HCN1: variants seen among roughly 807,000 people sequenced by gnomAD.
HCN1 encodes the protein potassium/sodium hyperpolarization-activated cyclic nucleotide-gated channel 1.
A neutral mutation model predicts 78.9 loss-of-function variants in HCN1; 13 were observed. That is an observed-to-expected ratio of 0.16 (90% CI 0.11 to 0.26). The LOEUF is 0.26. Among genes scored for constraint, HCN1 ranks in the 10% least tolerant of loss-of-function variants. The pLI is 1.00. For missense variants in HCN1, 810 were observed against 1,154.3 expected (o/e 0.70, Z 4.32); for synonymous variants, 552 against 455.5 (o/e 1.21, Z -2.70).
intron 6 of HCN1, among the ~76,000 whole-genome samples, chr5:45,293,873 G>A (rs771304904): frequency 6.6e-6 from 1 of 151,802 alleles, no homozygotes; most frequent in Non-Finnish European, 1.5e-5. Flanking sequence ...GACAAGAAAA[G>A]AAAAGATCTG....
chr5:45,365,134 AT>A (rs896794650), intron 4 of HCN1, among the ~76,000 whole-genome samples: 5 of 151,902 alleles, frequency 3.3e-5, no homozygotes, highest in Non-Finnish European at 7.4e-5. Context: ...TAAAAGTGCC[AT>A]TTTTTTCATA....
In HCN1 at chr5:45,530,860, C is replaced by T. The variant is rs75123526; in HGVS notation, c.850-68853G>A. Among the ~76,000 whole-genome samples the T allele has an allele frequency of 2.6e-4, 40 of 152,126 alleles. No homozygotes were observed. The East Asian group carries it at 7.4e-3, about 28-fold the overall frequency. ...CAAATTTCCATATCTTTCCCAAGGT[C>T]ACACAGCTAATAACAAGTCAACAAC... On this transcript the variant is annotated intron_variant, in intron 2 of 7. Coordinates refer to ENST00000303230, the MANE Select transcript of HCN1 (RefSeq NM_021072.4).
intron 2 of HCN1, among the ~76,000 whole-genome samples, chr5:45,614,493 C>G (rs748919922): frequency 1.3e-5 from 2 of 151,992 alleles, no homozygotes; most frequent in South Asian, 2.1e-4. Context: ...AAAAAGAAAG[C>G]GAAAACTTGA....
intron 2 of HCN1, among the ~76,000 whole-genome samples, chr5:45,527,778 C>T (rs530855479): frequency 6.6e-6 from 1 of 151,828 alleles, no homozygotes; most frequent in Admixed American, 6.6e-5. Flanking sequence ...TGAAGGCAGA[C>T]AGAACATGTT....
chr5:45,399,965 T>C (rs1051042993), intron 3 of HCN1, among the ~76,000 whole-genome samples: 1 of 152,174 alleles, frequency 6.6e-6, no homozygotes, highest in Admixed American at 6.5e-5. Context: ...AAATTTATAC[T>C]TTACTTTATC....
At chr5:45,559,943 CCAT>C (rs1436269360) in intron 2 of HCN1, 1 of 152,086 alleles carries the variant, frequency 6.6e-6, no homozygotes, top group African/African-American at 2.4e-5. Context: ...AAGCCAGTTG[CCAT>C]CAATATTGAG....
At chr5:45,349,357 GGGACAC>G (rs1400266919) in intron 5 of HCN1, among the ~76,000 whole-genome samples, 1 of 152,140 alleles carries the variant, frequency 6.6e-6, no homozygotes, top group African/African-American at 2.4e-5. Flanking sequence ...CAGAATCTCT[GGGACAC>G]ATTCAAAGTA....
chr5:45,341,467 TA>T (rs2111965515), intron 5 of HCN1, among the ~76,000 whole-genome samples: 1 of 152,348 alleles, frequency 6.6e-6, no homozygotes, highest in Admixed American at 6.5e-5. Flanking sequence ...ACAAATGTGA[TA>T]AATATCCTGA....
chr5:45,348,301 C>T (rs1361100867), intron 5 of HCN1, among the ~76,000 whole-genome samples: 5 of 152,106 alleles, frequency 3.3e-5, no homozygotes, highest in African/African-American at 1.2e-4. Context: ...AAATACTTTA[C>T]AGACAAGCAA....
intron 6 of HCN1, among the ~76,000 whole-genome samples, chr5:45,271,359 TACACACACACACACAC>T (rs34016747): frequency 1.9e-4 from 26 of 137,416 alleles, no homozygotes; most frequent in Admixed American, 4.5e-4. Context: ...CTGATTCAGG[TACACACACACACACAC>T]ACACACACAC....
chr5:45,446,675 T>G (rs1349505431), intron 3 of HCN1, among the ~76,000 whole-genome samples: 2 of 152,166 alleles, frequency 1.3e-5, no homozygotes, highest in Non-Finnish European at 1.5e-5. Flanking sequence ...CCCATCAGAC[T>G]AACAGTGGAT....
intron 3 of HCN1, among the ~76,000 whole-genome samples, chr5:45,429,364 A>C (rs1211822526): frequency 6.6e-6 from 1 of 152,132 alleles, no homozygotes; most frequent in African/African-American, 2.4e-5. Context: ...GGGGCTTCTC[A>C]ACCGGGGCTA....
At chr5:45,546,396 T>A (rs867408753) in intron 2 of HCN1, among the ~76,000 whole-genome samples, 2 of 151,916 alleles carry the variant, frequency 1.3e-5, no homozygotes, top group African/African-American at 4.8e-5. Flanking sequence ...TGCTTTATAA[T>A]CAGCTTCTAT....
chr5:45,667,704 G>T (rs976710490), intron 1 of HCN1, among the ~76,000 whole-genome samples: 8 of 151,864 alleles, frequency 5.3e-5, no homozygotes, highest in Non-Finnish European at 1.0e-4. Flanking sequence ...GAAATCTTAC[G>T]AATAAACACA....
At chr5:45,533,591 C>T (rs1219417236) in intron 2 of HCN1, among the ~76,000 whole-genome samples, 1 of 152,164 alleles carries the variant, frequency 6.6e-6, no homozygotes, top group Non-Finnish European at 1.5e-5. Context: ...TTAATTTACT[C>T]CAACATTCTG....
intron 4 of HCN1, among the ~76,000 whole-genome samples, chr5:45,359,899 T>C (rs899196669): frequency 5.3e-5 from 8 of 151,384 alleles, no homozygotes; most frequent in Non-Finnish European, 7.4e-5. Flanking sequence ...ACCAGTGGTG[T>C]CAGTGTTTAA....
chr5:45,677,501 C>T (rs1471540792), intron 1 of HCN1, among the ~76,000 whole-genome samples: 7 of 151,702 alleles, frequency 4.6e-5, no homozygotes. Context: ...GTATTAAGTG[C>T]CACTAAGGGG....
chr5:45,554,603 C>T (rs1316461873), intron 2 of HCN1, among the ~76,000 whole-genome samples: 1 of 151,538 alleles, frequency 6.6e-6, no homozygotes, highest in African/African-American at 2.4e-5. Flanking sequence ...AAAGCTATTC[C>T]ACATTACTTA....
intron 2 of HCN1, chr5:45,557,938 A>C (rs1261678716): frequency 6.6e-6 from 1 of 152,068 alleles, no homozygotes; most frequent in Non-Finnish European, 1.5e-5. Context: ...TAGGTGTCCA[A>C]GTGAAAGGCA....
Sources: gnomAD v4.1 joint callset for allele counts (sites outside exome capture counted in the v4.1 genomes callset) on GRCh38, gnomAD v4.1.1 for gene constraint, MANE v1.5 for transcripts, NCBI Gene and HGNC (gene_info 2026-07-23, HGNC 2026-07-21) for gene names.